COL4A5: variants seen among roughly 807,000 people sequenced by gnomAD.
COL4A5 encodes collagen type IV alpha 5 chain, also known as collagen alpha-5(IV) chain.
COL4A5 carries 26 observed loss-of-function variants against 130.2 expected under a neutral mutation model. The ratio of observed to expected loss-of-function variants is 0.20; its 90% CI spans 0.15 to 0.28. The LOEUF is 0.28. COL4A5 is among the 10% of genes least tolerant of loss of function. The probability of loss-of-function intolerance (pLI) is 1.00; values close to 1 mark genes in which losing one functional copy is unlikely to be tolerated. For missense variants in COL4A5, 1,131 were observed against 1,344.3 expected (o/e 0.84, Z 2.48); for synonymous variants, 496 against 439.6 (o/e 1.13, Z -1.60).
At chrX:108,599,551 G>C (rs2066589406) in intron 25 of COL4A5, among the ~76,000 whole-genome samples, 1 of 110,850 alleles carries the variant, frequency 9.0e-6, no homozygotes, top group African/African-American at 3.3e-5. Context: ...TATGAATAAT[G>C]CTTCTGTTTA....
Position 108,580,515 on chromosome X carries a change from T to C in COL4A5, c.781-18T>C. The stretch of plus-strand genomic sequence containing the variant: ...TTCCAGTATTAACATTGATTTCCTT[T>C]CCCCTACTACTGCATAGGGACTTCC... On this transcript the variant is annotated intron_variant, in intron 13 of 52. Transcript: ENST00000328300. 8.4e-7 allele frequency: 1 copy of C among 1,188,634 alleles called. No individual in the cohort carries two copies. Among genetic ancestry groups the C allele is most frequent in the Non-Finnish European group, 1.1e-6 (1 of 875,486 alleles).
intron 1 of COL4A5, among the ~76,000 whole-genome samples, chrX:108,488,153 T>C (rs1477954903): frequency 8.9e-6 from 1 of 112,478 alleles, no homozygotes; most frequent in Non-Finnish European, 1.9e-5. Context: ...TTTTTACTTT[T>C]ATAAATATTT....
At chrX:108,592,318 A>G (rs2066450505) in intron 21 of COL4A5, among the ~76,000 whole-genome samples, 1 of 110,906 alleles carries the variant, frequency 9.0e-6, no homozygotes, top group Middle Eastern at 4.6e-3. Flanking sequence ...TTATTTCCCC[A>G]AGGATTTTTT....
intron 36 of COL4A5, among the ~76,000 whole-genome samples, chrX:108,632,690 T>C (rs1013979382): frequency 9.0e-6 from 1 of 111,032 alleles, no homozygotes; most frequent in African/African-American, 3.3e-5. Flanking sequence ...TGCAAATAAA[T>C]AAACGTAATC....
chrX:108,484,138 A>G (rs903853160), intron 1 of COL4A5, among the ~76,000 whole-genome samples: 5 of 111,593 alleles, frequency 4.5e-5, no homozygotes, highest in Non-Finnish European at 9.4e-5. Flanking sequence ...TGTCAATTGC[A>G]TTTTCAACTC....
At chrX:108,628,198 C>A (rs1044967630) in intron 36 of COL4A5, among the ~76,000 whole-genome samples, 1 of 110,559 alleles carries the variant, frequency 9.0e-6, no homozygotes, top group African/African-American at 3.3e-5. Context: ...TTTCTAGGTT[C>A]ATGATTACAA....
chrX:108,502,062 A>G (rs1213102084), intron 1 of COL4A5, among the ~76,000 whole-genome samples: 1 of 112,192 alleles, frequency 8.9e-6, no homozygotes, highest in African/African-American at 3.2e-5. Context: ...AGTAGTAGGC[A>G]GTATGTTAGC....
At position 108,578,284 on chromosome X, in the gene COL4A5, C is replaced by G. The variant is rs2066187629; in HGVS notation, c.688-7C>G. Reference sequence around the variant, plus strand: ...ATCACCACTGTCTTATTTTATCTTGCAAACAGGGTGAGCAAGGTCTTCAGG... The same window carrying G: ...ATCACCACTGTCTTATTTTATCTTGGAAACAGGGTGAGCAAGGTCTTCAGG... On this transcript the variant is annotated splice_region_variant and splice_polypyrimidine_tract_variant and intron_variant, in intron 12 of 52. Coordinates refer to ENST00000328300, the MANE Select transcript of COL4A5 (RefSeq NM_033380.3). The G allele has an allele frequency of 3.3e-6, 4 of 1,204,573 alleles. No individual in the cohort carries two copies. Among genetic ancestry groups the G allele is most frequent in the Non-Finnish European group, 4.5e-6 (4 of 889,065 alleles).
intron 1 of COL4A5, among the ~76,000 whole-genome samples, chrX:108,480,215 G>A (rs780739605): frequency 2.7e-5 from 3 of 112,288 alleles, no homozygotes; most frequent in East Asian, 2.8e-4. Context: ...CCCACTAGGC[G>A]TTGTGCCTCT....
intron 1 of COL4A5, among the ~76,000 whole-genome samples, chrX:108,500,500 G>A (rs2065070426): frequency 8.9e-6 from 1 of 112,288 alleles, no homozygotes; most frequent in Admixed American, 9.5e-5. Flanking sequence ...TTGCTTGATA[G>A]GGGAAAGGGA....
chrX:108,674,445 C>G (rs890827304), intron 42 of COL4A5: 13 of 226,876 alleles, frequency 5.7e-5, no homozygotes, highest in African/African-American at 3.5e-4. Context: ...TGGAAAGCCA[C>G]AGTAGCAGTG....
At position 108,461,981 on chromosome X, in the gene COL4A5, A is replaced by G. The variant is rs113373966; in HGVS notation, c.81+21775A>G. 5.9e-3 allele frequency among the ~76,000 whole-genome samples: 663 copies of G among 112,261 alleles called. 2 individuals are homozygous for G. The highest frequency in any genetic ancestry group is 0.036 in the East Asian group (129 of 3,588). On this transcript the variant is annotated intron_variant, in intron 1 of 52. Transcript: ENST00000328300. ...GAATATAGACATAGGTTCTCATTAA[A>G]TCACAATTAATGGAAATGTATACTC...
At chrX:108,484,434 G>T (rs1281308758) in intron 1 of COL4A5, among the ~76,000 whole-genome samples, 1 of 111,976 alleles carries the variant, frequency 8.9e-6, no homozygotes, top group Non-Finnish European at 1.9e-5. Context: ...GGGCTTGTTT[G>T]TACCTGTACT....
intron 1 of COL4A5, among the ~76,000 whole-genome samples, chrX:108,503,954 G>T (rs1454256463): frequency 8.9e-6 from 1 of 111,785 alleles, no homozygotes; most frequent in East Asian, 2.8e-4. Context: ...TAAACCAAAA[G>T]AACAAATCTG....
chrX:108,446,823 G>T (rs2064457365), intron 1 of COL4A5, among the ~76,000 whole-genome samples: 1 of 111,766 alleles, frequency 8.9e-6, no homozygotes, highest in South Asian at 3.7e-4. Context: ...ACCCTTCTGT[G>T]ACTGGTCACT....
intron 30 of COL4A5, among the ~76,000 whole-genome samples, chrX:108,616,005 A>G (rs1447933757): frequency 5.4e-5 from 6 of 111,673 alleles, no homozygotes; most frequent in African/African-American, 1.9e-4. Flanking sequence ...TTCATTATGT[A>G]CTATTTACAA....
At chrX:108,631,289 A>G (rs760378629) in intron 36 of COL4A5, among the ~76,000 whole-genome samples, 1 of 111,992 alleles carries the variant, frequency 8.9e-6, no homozygotes, top group Admixed American at 9.5e-5. Flanking sequence ...ATCCATGAGC[A>G]TGGAATGTTC....
chrX:108,543,701 T>C (rs1192009013), intron 2 of COL4A5, among the ~76,000 whole-genome samples: 3 of 111,899 alleles, frequency 2.7e-5, no homozygotes, highest in African/African-American at 9.8e-5. Context: ...CCTTGGGCAG[T>C]ATGGCCATTT....
chrX:108,618,314 AAG>A (rs1423951111), intron 30 of COL4A5, among the ~76,000 whole-genome samples: 1 of 111,674 alleles, frequency 9.0e-6, no homozygotes, highest in African/African-American at 3.2e-5. Context: ...ACGATGAAGA[AAG>A]AAATCCTTGC....
Sources: allele counts gnomAD v4.1 joint callset (sites outside exome capture counted in the v4.1 genomes callset), GRCh38; gene constraint gnomAD v4.1.1; transcripts MANE v1.5; gene names NCBI Gene and HGNC (gene_info 2026-07-23, HGNC 2026-07-21).